GTF2IRD1: variants seen among roughly 807,000 people sequenced by gnomAD.
GTF2IRD1 encodes GTF2I repeat domain containing 1, also known as general transcription factor II-I repeat domain-containing protein 1.
GTF2IRD1 carries 26 observed loss-of-function variants against 113.2 expected under a neutral mutation model. The observed-to-expected ratio is 0.23, with a 90% CI of 0.17 to 0.32. GTF2IRD1 has a LOEUF of 0.32. Among genes scored for constraint, GTF2IRD1 ranks in the 10% least tolerant of loss-of-function variants. The probability of loss-of-function intolerance (pLI) is 1.00; values close to 1 mark genes in which losing one functional copy is unlikely to be tolerated. For missense variants in GTF2IRD1, 864 were observed against 1,280.8 expected (o/e 0.67, Z 4.97); for synonymous variants, 484 against 529.1 (o/e 0.91, Z 1.17).
intron 1 of GTF2IRD1, among the ~76,000 whole-genome samples, chr7:74,496,740 C>T (rs187991213): frequency 3.4e-4 from 51 of 152,076 alleles, no homozygotes; most frequent in African/African-American, 1.0e-3. Context: ...TTAGGTGCCC[C>T]CTCCCTCTCT....
At chr7:74,485,590 C>T (rs868947159) in intron 1 of GTF2IRD1, among the ~76,000 whole-genome samples, 46 of 148,936 alleles carry the variant, frequency 3.1e-4, no homozygotes, top group Admixed American at 1.1e-3. Context: ...GCAGTCTGGC[C>T]TGGGTAAAAG....
Position 74,512,702 on chromosome 7 carries a change from CG to C in GTF2IRD1, c.124-127del. On this transcript the variant is annotated intron_variant, in intron 2 of 26. Coordinates refer to ENST00000424337, the MANE Select transcript of GTF2IRD1 (RefSeq NM_005685.4). This position sits in a 1 kb window ranked among gnomAD's most constrained non-coding sequence, Gnocchi z 4.4. ...CTGAGACCAAGAACAGTAGAGGGGC[CG>C]TCTGTCCCTGGAGCTGCTGCTGGGG... The C allele has an allele frequency of 1.3e-6, 1 of 778,036 alleles. No individual in the cohort carries two copies. Among genetic ancestry groups the C allele is most frequent in the African/African-American group, 1.7e-5 (1 of 58,312 alleles). The allele number at this position is 778,036 out of a possible 1,614,324, so 48.2% of individuals were successfully genotyped here. A position where few individuals can be genotyped will look rare whatever the true frequency, so the allele number is the denominator to read the frequency against.
At position 74,584,172 on chromosome 7, in the gene GTF2IRD1, G is replaced by C. The variant is rs587702466; in HGVS notation, c.2321-5679G>C. 9.2e-5 allele frequency among the ~76,000 whole-genome samples: 14 copies of C among 152,280 alleles called. No individual in the cohort carries two copies. The East Asian group carries it at 2.7e-3, about 29-fold the overall frequency. ...GACTTTGGTATTTAAAGGGGAAAGAGGGCCTGGGTACGGTGGCTCACAGCA... is the reference window on the plus strand; with the variant it reads ...GACTTTGGTATTTAAAGGGGAAAGACGGCCTGGGTACGGTGGCTCACAGCA... On this transcript the variant is annotated intron_variant, in intron 22 of 26. Transcript: ENST00000424337.
At position 74,515,545 on chromosome 7, in the gene GTF2IRD1, G is replaced by A; in HGVS notation, c.370G>A (p.Asp124Asn). ...TCGGTCCTCCCTGGAACATGGCTCA[G>A]ATGTGTACCTTCTGCGGAAGATGGT... is the stretch of plus-strand genomic sequence containing the variant. ...LPRSSLEHGS[D>N]VYLLRKMVEE... Residue 124 changes from aspartate to asparagine, a missense_variant, in exon 4 of 27, where the codon GAT becomes AAT. Physicochemically the swap from Asp to Asn is conservative, Grantham distance 23. Around this residue, in one of 7 missense-constraint regions of GTF2IRD1, gnomAD observed 182 missense variants for 266.6 expected, o/e 0.68. Transcript: ENST00000424337. 1 of 1,613,900 alleles carries A rather than the reference G, an allele frequency of 6.2e-7. No homozygotes were observed. Among genetic ancestry groups the A allele is most frequent in the Non-Finnish European group, 8.5e-7 (1 of 1,179,806 alleles).
intron 1 of GTF2IRD1, among the ~76,000 whole-genome samples, chr7:74,496,491 G>GCACGTA (rs1795717568): frequency 1.8e-5 from 2 of 109,148 alleles, no homozygotes; most frequent in African/African-American, 1.0e-4. Context: ...ACGTATGTGT[G>GCACGTA]TGTGTGTGTG....
chr7:74,478,209 A>G (rs1237562018), intron 1 of GTF2IRD1, among the ~76,000 whole-genome samples: 1 of 152,146 alleles, frequency 6.6e-6, no homozygotes, highest in African/African-American at 2.4e-5. Flanking sequence ...CCTTGCGTGG[A>G]GGGACAGAGA....
Position 74,473,511 on chromosome 7 carries a change from A to C in GTF2IRD1, c.-7+19335A>C, listed in dbSNP as rs538467642. ...ACAGTCATAGCTCACTGCAGCCTCAAACTCTTGGCTTCAAGTAATCCTCTC... is the reference window on the plus strand; with the variant it reads ...ACAGTCATAGCTCACTGCAGCCTCACACTCTTGGCTTCAAGTAATCCTCTC... On this transcript the variant is annotated intron_variant, in intron 1 of 26. Transcript: ENST00000424337. 7.9e-5 allele frequency among the ~76,000 whole-genome samples: 12 copies of C among 152,172 alleles called. No homozygotes were observed. The South Asian group carries it at 2.5e-3, about 32-fold the overall frequency.
At position 74,544,895 on chromosome 7, in the gene GTF2IRD1, C is replaced by T. The variant is rs587594080; in HGVS notation, c.1666+93C>T. On this transcript the variant is annotated intron_variant, in intron 15 of 26. Coordinates refer to ENST00000424337, the MANE Select transcript of GTF2IRD1 (RefSeq NM_005685.4). ...CCTCCCCTTGGCCTCTGGGTCTCTT[C>T]GTTCTCTCCACCTCATCTCTCTCCA... 1.5e-5 allele frequency: 15 copies of T among 968,124 alleles called. No individual in the cohort carries two copies. In the Admixed American group the frequency reaches 2.2e-4, roughly 14 times the overall value. 60.0% of individuals were successfully genotyped at this position (968,124 alleles called of 1,614,324 possible). A position where few individuals can be genotyped will look rare whatever the true frequency, so the allele number is the denominator to read the frequency against.
chr7:74,508,474 T>A lies in GTF2IRD1; in HGVS notation c.123+271T>A, dbSNP rs2299958. ...TGGGAGGCCGGGGTCGGTGGATCACTAGGTCAGTGGTTCGAGACTAGCCTG... is the reference window on the plus strand; with the variant it reads ...TGGGAGGCCGGGGTCGGTGGATCACAAGGTCAGTGGTTCGAGACTAGCCTG... On this transcript the variant is annotated intron_variant, in intron 2 of 26. Coordinates refer to ENST00000424337, the MANE Select transcript of GTF2IRD1 (RefSeq NM_005685.4). Among the ~76,000 whole-genome samples the A allele has an allele frequency of 0.025, 3,815 of 152,020 alleles. 400 individuals are homozygous for A. The East Asian group carries it at 0.35, about 14-fold the overall frequency.
chr7:74,594,571 C>T (rs1802290037), intron 24 of GTF2IRD1, among the ~76,000 whole-genome samples: 1 of 152,110 alleles, frequency 6.6e-6, no homozygotes, highest in African/African-American at 2.4e-5. Flanking sequence ...CGTTGTGCCC[C>T]CCATTTTTAT....
At chr7:74,548,873 A>C in intron 17 of GTF2IRD1, among the ~76,000 whole-genome samples, 1 of 152,138 alleles carries the variant, frequency 6.6e-6, no homozygotes, top group Middle Eastern at 3.2e-3. Flanking sequence ...GCACCACTGC[A>C]CTCCAGCCTG....
At chr7:74,493,141 A>C (rs61443188) in intron 1 of GTF2IRD1, among the ~76,000 whole-genome samples, 1 of 140,346 alleles carries the variant, frequency 7.1e-6, no homozygotes, top group African/African-American at 2.7e-5. Flanking sequence ...TAGGGGTCTC[A>C]CTGTCTTGCT....
rs112595078 is a variant in GTF2IRD1, at chr7:74,552,119, C to T, written c.1917-3055C>T. On this transcript the variant is annotated intron_variant, in intron 17 of 26. Transcript: ENST00000424337. Reference sequence around the variant, plus strand: ...GGTAGCAGGGGACCAGGCGTGTGGCCCACGCCTGTAATCCTAGCATTTTGG... The same window carrying T: ...GGTAGCAGGGGACCAGGCGTGTGGCTCACGCCTGTAATCCTAGCATTTTGG... Among the ~76,000 whole-genome samples, 39 of 150,412 alleles carry T rather than the reference C, an allele frequency of 2.6e-4. 1 individual carries two copies. Among genetic ancestry groups the T allele is most frequent in the African/African-American group, 8.5e-4 (35 of 40,946 alleles).
chr7:74,538,729 G>T lies in GTF2IRD1; in HGVS notation c.1497G>T (p.Glu499Asp). Reference sequence around the variant, plus strand: ...TGAGGCCGATCAAAATTGAGCCAGAGGATCTGGACATCATTCAGGTCACCG... The same window carrying T: ...TGAGGCCGATCAAAATTGAGCCAGATGATCTGGACATCATTCAGGTCACCG... ...GGLRPIKIEP[E>D]DLDIIQVTVP... is the part of the protein sequence containing the mutation. Residue 499 changes from glutamate (E) to aspartate (D), a missense_variant, in exon 13 of 27, where the codon GAG becomes GAT. Coordinates refer to ENST00000424337, the MANE Select transcript of GTF2IRD1 (RefSeq NM_005685.4). The T allele has an allele frequency of 6.2e-7, 1 of 1,603,914 alleles. No homozygotes were observed. The highest frequency in any genetic ancestry group is 1.1e-5 in the South Asian group (1 of 90,858).
intron 22 of GTF2IRD1, 107 bp from the exon 23 acceptor site, chr7:74,589,744 C>A (rs1363926083): frequency 2.9e-6 from 2 of 688,446 alleles, no homozygotes; most frequent in Non-Finnish European, 2.6e-6. Flanking sequence ...GTCGGCCCTG[C>A]AGAGAATGTA....
chr7:74,467,497 T>C (rs1330381570), intron 1 of GTF2IRD1, among the ~76,000 whole-genome samples: 2 of 151,800 alleles, frequency 1.3e-5, no homozygotes, highest in African/African-American at 4.8e-5. Flanking sequence ...ATTTATTTAT[T>C]TATTTATTTT....
At chr7:74,475,914 T>C (rs1224378851) in intron 1 of GTF2IRD1, among the ~76,000 whole-genome samples, 1 of 152,144 alleles carries the variant, frequency 6.6e-6, no homozygotes, top group Non-Finnish European at 1.5e-5. Context: ...GGAGTACACA[T>C]TGGGCCTGCA....
intron 8 of GTF2IRD1, among the ~76,000 whole-genome samples, chr7:74,528,300 T>G (rs1277509426): frequency 6.6e-6 from 1 of 152,158 alleles, no homozygotes; most frequent in Non-Finnish European, 1.5e-5. Flanking sequence ...ATCTTCGAAC[T>G]CCTGGACTCA....
At chr7:74,525,760 A>T (rs1250940738) in intron 8 of GTF2IRD1, among the ~76,000 whole-genome samples, 1 of 152,212 alleles carries the variant, frequency 6.6e-6, no homozygotes, top group East Asian at 1.9e-4. Flanking sequence ...TTCTCTCAAA[A>T]AAAGAAAAGA....
Sources: gnomAD v4.1 joint callset for allele counts (sites outside exome capture counted in the v4.1 genomes callset) on GRCh38, gnomAD v4.1.1 for gene constraint, gnomAD v4.1.1 regional missense constraint, Gnocchi (gnomAD v3.1) non-coding constraint, MANE v1.5 for transcripts, NCBI Gene and HGNC (gene_info 2026-07-23, HGNC 2026-07-21) for gene names.